Variants in SHISA7 observed in about 807,000 individuals in gnomAD.
The protein encoded by SHISA7 is shisa family member 7, also known as protein shisa-7.
SHISA7 carries 6 observed loss-of-function variants against 23.9 expected under a neutral mutation model. The ratio of observed to expected loss-of-function variants is 0.25; its 90% CI spans 0.14 to 0.50. The LOEUF (loss-of-function observed/expected upper bound fraction) is 0.50, where lower values mean the gene tolerates loss of function less well. Among genes scored for constraint, SHISA7 ranks in the 20% least tolerant of loss-of-function variants. SHISA7 has a pLI of 0.98. For missense variants in SHISA7, 671 were observed against 801.1 expected (o/e 0.84, Z 1.96); for synonymous variants, 386 against 398.3 (o/e 0.97, Z 0.37).
At chr19:55,441,527 C>T (rs1183157838) in intron 1 of SHISA7, among the ~76,000 whole-genome samples, 1 of 152,242 alleles carries the variant, frequency 6.6e-6, no homozygotes, top group East Asian at 1.9e-4. Flanking sequence ...ACCTCTCGCC[C>T]ACAGATCTCT....
At position 55,443,095 on chromosome 19, in the gene SHISA7, G is replaced by A. The variant is rs1245231669; in HGVS notation, c.-232C>T. ...TGGGCCCAAGTTGGCCGCCCCACGC[G>A]CGGTGGGCGACGATGGGAGAGTAAT... On this transcript the variant is annotated 5_prime_UTR_variant, in exon 1 of 4. Transcript: ENST00000376325. Among the ~76,000 whole-genome samples, 1 of 151,474 alleles carries A rather than the reference G, an allele frequency of 6.6e-6. No individual in the cohort carries two copies. The highest frequency in any genetic ancestry group is 1.5e-5 in the Non-Finnish European group (1 of 67,854).
chr19:55,435,587 T>C (rs1261106286), intron 3 of SHISA7, among the ~76,000 whole-genome samples: 12 of 48,198 alleles, frequency 2.5e-4, no homozygotes, highest in African/African-American at 9.9e-4. Context: ...ACTCCATCTC[T>C]ACAAAAAAAA....
rs1985241116 is a variant in SHISA7, at chr19:55,432,795, G to C, written c.*361C>G. On this transcript the variant is annotated 3_prime_UTR_variant, in exon 4 of 4. Coordinates refer to ENST00000376325, the MANE Select transcript of SHISA7 (RefSeq NM_001145176.2). This position sits in a 1 kb window ranked among gnomAD's most constrained non-coding sequence, Gnocchi z 4.6. The stretch of plus-strand genomic sequence containing the variant: ...GAAGGAAGCCTCTGAGGACACCATA[G>C]AACATGGACATGGCCTCCAGCGCTG... 4.6e-6 allele frequency: 1 copy of C among 217,454 alleles called. No homozygotes were observed. Among genetic ancestry groups the C allele is most frequent in the South Asian group, 8.6e-5 (1 of 11,658 alleles). The allele number at this position is 217,454 out of a possible 1,614,324, so 13.5% of individuals were successfully genotyped here.
intron 1 of SHISA7, among the ~76,000 whole-genome samples, chr19:55,441,911 T>C (rs887640455): frequency 9.2e-5 from 14 of 152,244 alleles, no homozygotes; most frequent in Non-Finnish European, 1.6e-4. Context: ...TTTTGTTCAC[T>C]GGTGTATCCC....
rs1205142490 is a variant in SHISA7, at chr19:55,437,715, T to C, written c.866A>G (p.Tyr289Cys). The C allele has an allele frequency of 1.3e-6, 2 of 1,550,578 alleles. No homozygotes were observed. Among genetic ancestry groups the C allele is most frequent in the Non-Finnish European group, 1.7e-6 (2 of 1,146,546 alleles). ...ALPPPSPSLH[Y>C]STLSCSRSFH... The stretch of plus-strand genomic sequence containing the variant: ...GGACCGAGAGCAGGACAGCGTGGAG[T>C]AGTGCAAGGAGGGGCTGGGCGGCGG... Residue 289 changes from tyrosine (Y) to cysteine (C), a missense_variant, in exon 3 of 4, where the codon TAC (tyrosine) becomes TGC (cysteine). Transcript: ENST00000376325.
intron 2 of SHISA7, 77 bp downstream of exon 2, chr19:55,440,534 G>T (rs1243764084): frequency 2.5e-6 from 3 of 1,218,510 alleles, no homozygotes; most frequent in Non-Finnish European, 3.1e-6. Context: ...GGGTGGAGCC[G>T]CCATGGAGGG....
rs1214054408 is a variant in SHISA7, at chr19:55,433,056, T to A, written c.*100A>T. The A allele has an allele frequency of 1.5e-6, 2 of 1,363,938 alleles. No homozygotes were observed. The highest frequency in any genetic ancestry group is 1.9e-6 in the Non-Finnish European group (2 of 1,052,422). 84.5% of individuals were successfully genotyped at this position (1,363,938 alleles called of 1,614,324 possible). A position where few individuals can be genotyped will look rare whatever the true frequency, so the allele number is the denominator to read the frequency against. ...GCTTTCACTCCTGTCCAAGGGCCGATCTGGGCCCCAGGCCCCTGGCATGTG... is the reference window on the plus strand; with the variant it reads ...GCTTTCACTCCTGTCCAAGGGCCGAACTGGGCCCCAGGCCCCTGGCATGTG... On this transcript the variant is annotated 3_prime_UTR_variant, in exon 4 of 4. Transcript: ENST00000376325. The surrounding 1 kb of genome is among the most constrained non-coding windows in gnomAD (Gnocchi z 8.4).
chr19:55,439,290 C>G (rs911968082), intron 2 of SHISA7, among the ~76,000 whole-genome samples: 4 of 152,216 alleles, frequency 2.6e-5, no homozygotes, highest in Admixed American at 6.5e-5. Context: ...TGCCTTGAAG[C>G]CCTTCTTCCC....
At chr19:55,434,616 G>A (rs1391684045) in intron 3 of SHISA7, among the ~76,000 whole-genome samples, 2 of 108,616 alleles carry the variant, frequency 1.8e-5, no homozygotes, top group Non-Finnish European at 3.8e-5. Context: ...TGTGTGGTAT[G>A]GCGTGTGTGT....
In SHISA7 at chr19:55,442,320, C is replaced by T. The variant is rs1257505095; in HGVS notation, c.544G>A (p.Gly182Arg). 2.0e-6 allele frequency: 3 copies of T among 1,496,842 alleles called. No homozygotes were observed. Among genetic ancestry groups the T allele is most frequent in the Non-Finnish European group, 2.7e-6 (3 of 1,129,718 alleles). 92.7% of individuals were successfully genotyped at this position (1,496,842 alleles called of 1,614,324 possible). A position where few individuals can be genotyped will look rare whatever the true frequency, so the allele number is the denominator to read the frequency against. Residue 182 changes from glycine to arginine, a missense_variant, in exon 1 of 4, where the codon GGG becomes AGG. By Grantham distance (125) the Gly-to-Arg change is moderately radical. Transcript: ENST00000376325. Reference protein sequence around the residue: ...GAGGRGGEGPGGSTAYVVCGV... With the variant: ...GAGGRGGEGPRGSTAYVVCGV... ...CACACGACGTAGGCTGTGCTGCCCC[C>T]GGGGCCCTCGCCCCCGCGGCCCCCG...
rs1468150053 is a variant in SHISA7, at chr19:55,432,086, G to A, written c.*1070C>T. ...CTCTGGTGATGCCATCACAGCATTG[G>A]GGGTAGGGGTGTCACTGCCAACAGC... is the stretch of plus-strand genomic sequence containing the variant. On this transcript the variant is annotated 3_prime_UTR_variant, in exon 4 of 4. Coordinates refer to ENST00000376325, the MANE Select transcript of SHISA7 (RefSeq NM_001145176.2). The surrounding 1 kb of genome is among the most constrained non-coding windows in gnomAD (Gnocchi z 4.6). The A allele has an allele frequency of 6.6e-6, 1 of 152,500 alleles. No homozygotes were observed. The highest frequency in any genetic ancestry group is 2.4e-5 in the African/African-American group (1 of 41,418). 9.4% of individuals were successfully genotyped at this position (152,500 alleles called of 1,614,324 possible).
rs1258074235 is a variant in SHISA7, at chr19:55,442,219, C to T, written c.645G>A (p.Arg215=). 2.0e-5 allele frequency: 30 copies of T among 1,534,144 alleles called. No homozygotes were observed. The highest frequency in any genetic ancestry group is 5.9e-5 in the Admixed American group (3 of 50,892). The change falls in exon 1 of 4, where the codon CGG becomes CGA. Residue 215 remains arginine, a synonymous_variant. Transcript: ENST00000376325. ...TGGGCACGTTGATATCCCGGTGCGC[C>T]CGGGGCGCACGGGACGCCTTGCTGA... The part of the protein sequence containing the change: ...VAFSKASRAP[R]AHRDINVPRA...
chr19:55,434,316 GT>G (rs1426670331), intron 3 of SHISA7, among the ~76,000 whole-genome samples: 71 of 98,622 alleles, frequency 7.2e-4, no homozygotes, highest in East Asian at 7.1e-3. Context: ...TGTGTGGTGT[GT>G]GTGTGTGGTG....
chr19:55,437,608 G>T lies in SHISA7; in HGVS notation c.973C>A (p.Leu325Met), dbSNP rs1461621454. ...ELNRYSSLKRLAEKDLDEAYL... is the reference protein window; with the variant it reads ...ELNRYSSLKRMAEKDLDEAYL... ...CGCTGCCCTTGCCAGGACTCACCCAGCCTCTTGAGGGAAGAGTAGCGGTTC... is the reference window on the plus strand; with the variant it reads ...CGCTGCCCTTGCCAGGACTCACCCATCCTCTTGAGGGAAGAGTAGCGGTTC... The change falls in exon 3 of 4, where the codon CTG (leucine) becomes ATG (methionine). Residue 325 changes from leucine (L) to methionine (M), a missense_variant. This residue lies in a region of SHISA7 where 457 missense variants were observed against 488.3 expected (regional missense o/e 0.94). Coordinates refer to ENST00000376325, the MANE Select transcript of SHISA7 (RefSeq NM_001145176.2). 4 of 1,550,964 alleles carry T rather than the reference G, an allele frequency of 2.6e-6. No individual in the cohort carries two copies. Among genetic ancestry groups the T allele is most frequent in the Non-Finnish European group, 3.5e-6 (4 of 1,146,610 alleles).
In SHISA7 at chr19:55,433,351, C is replaced by T; in HGVS notation, c.1422G>A (p.Leu474=). The change falls in exon 4 of 4, where the codon CTG becomes CTA. Residue 474 remains leucine, a synonymous_variant. Transcript: ENST00000376325. This position sits in a 1 kb window ranked among gnomAD's most constrained non-coding sequence, Gnocchi z 8.4. ...PLRGLPPPSS[L]HAHHHHALHG... ...GCAGGGCGTGGTGGTGGTGGGCGTG[C>T]AGGCTGGACGGTGGCGGCAGCCCGC... The T allele has an allele frequency of 7.2e-7, 1 of 1,379,822 alleles. No homozygotes were observed. Among genetic ancestry groups the T allele is most frequent in the Non-Finnish European group, 9.3e-7 (1 of 1,077,790 alleles). 85.5% of individuals were successfully genotyped at this position (1,379,822 alleles called of 1,614,324 possible).
chr19:55,437,818 C>A, intron 2 of SHISA7, 64 bp from the exon 3 acceptor site: 1 of 1,496,680 alleles, frequency 6.7e-7, no homozygotes, highest in Non-Finnish European at 8.9e-7. Flanking sequence ...GAGTCCAGGC[C>A]CCCAGCCCCT....
At chr19:55,440,429 C>G (rs1244498835) in intron 2 of SHISA7, among the ~76,000 whole-genome samples, 182 bp downstream of exon 2, 2 of 152,258 alleles carry the variant, frequency 1.3e-5, no homozygotes, top group Non-Finnish European at 2.9e-5. Context: ...GGGTCTGGCT[C>G]TCTACGGAGT....
At chr19:55,441,097 G>A (rs545832485) in intron 1 of SHISA7, among the ~76,000 whole-genome samples, 94 of 152,278 alleles carry the variant, frequency 6.2e-4, no homozygotes, top group Middle Eastern at 3.4e-3. Context: ...AACAAAGGGT[G>A]CTCCATTTAC....
At position 55,429,487 on chromosome 19, in the gene SHISA7, G is replaced by C. The variant is rs1438550169; in HGVS notation, c.*3669C>G. The stretch of plus-strand genomic sequence containing the variant: ...TGGCACCAGGGCCCAGGTGGATTTG[G>C]GTAACCCCCATTTCCTCAGTGTGGT... On this transcript the variant is annotated 3_prime_UTR_variant, in exon 4 of 4. Coordinates refer to ENST00000376325, the MANE Select transcript of SHISA7 (RefSeq NM_001145176.2). 1 of 152,276 alleles carries C rather than the reference G, an allele frequency of 6.6e-6. No individual in the cohort carries two copies. The highest frequency in any genetic ancestry group is 1.5e-5 in the Non-Finnish European group (1 of 68,160). The allele number at this position is 152,276 out of a possible 1,614,324, so 9.4% of individuals were successfully genotyped here.
Sources: gnomAD v4.1 joint callset for allele counts (sites outside exome capture counted in the v4.1 genomes callset) on GRCh38, gnomAD v4.1.1 for gene constraint, gnomAD v4.1.1 regional missense constraint, Gnocchi (gnomAD v3.1) non-coding constraint, MANE v1.5 for transcripts, NCBI Gene and HGNC (gene_info 2026-07-23, HGNC 2026-07-21) for gene names.